The following ALK variants were observed in gnomAD, a reference collection of about 807,000 sequenced individuals.
ALK encodes ALK receptor tyrosine kinase, also known as ALK tyrosine kinase receptor.
A neutral mutation model predicts 163.1 loss-of-function variants in ALK; 74 were observed. The ratio of observed to expected loss-of-function variants is 0.45; its 90% CI spans 0.38 to 0.55. The LOEUF (loss-of-function observed/expected upper bound fraction) is 0.55. Ranked by LOEUF, ALK falls within the 20% of genes least tolerant of loss-of-function variation. ALK has a pLI of 0.00. For missense variants in ALK, 2,063 were observed against 2,105.3 expected, an observed-to-expected ratio of 0.98 and a Z score of 0.39; for synonymous variants, 960 against 843.2, an observed-to-expected ratio of 1.14 and a Z score of -2.40.
chr2:29,645,896 G>T (rs921435014), intron 3 of ALK, among the ~76,000 whole-genome samples: 4 of 151,960 alleles, frequency 2.6e-5, no homozygotes, highest in South Asian at 2.1e-4. Flanking sequence ...GCTAATATTG[G>T]AGTTCCATGG....
At chr2:29,450,108 G>T (rs1670784693) in intron 4 of ALK, among the ~76,000 whole-genome samples, 1 of 152,138 alleles carries the variant, frequency 6.6e-6, no homozygotes, top group Admixed American at 6.5e-5. Context: ...GGGCTCCTGT[G>T]ACCGCAGGGA....
At chr2:29,790,120 G>C (rs1193199227) in intron 1 of ALK, among the ~76,000 whole-genome samples, 1 of 152,144 alleles carries the variant, frequency 6.6e-6, no homozygotes, top group Non-Finnish European at 1.5e-5. Flanking sequence ...AAGTGTTTGG[G>C]GCTCTAGGGA....
chr2:29,458,672 G>C (rs1671015504), intron 4 of ALK, among the ~76,000 whole-genome samples: 1 of 152,122 alleles, frequency 6.6e-6, no homozygotes, highest in Admixed American at 6.6e-5. Flanking sequence ...GGTGATAGTG[G>C]CTTCATTTCA....
At chr2:29,249,547 C>T (rs1664764256) in intron 12 of ALK, among the ~76,000 whole-genome samples, 1 of 152,148 alleles carries the variant, frequency 6.6e-6, no homozygotes, top group South Asian at 2.1e-4. Flanking sequence ...AGACTTTGAG[C>T]CAGAGCACCC....
At chr2:29,200,835 A>ATATG (rs1558608969) in intron 26 of ALK, among the ~76,000 whole-genome samples, 1 of 129,206 alleles carries the variant, frequency 7.7e-6, no homozygotes, top group African/African-American at 2.7e-5. Context: ...ACGTATATAT[A>ATATG]TGTGTGTGTA....
chr2:29,389,533 C>T (rs1327381199), intron 4 of ALK, among the ~76,000 whole-genome samples: 2 of 152,190 alleles, frequency 1.3e-5, no homozygotes, highest in East Asian at 3.9e-4. Context: ...GCCTTCCCAC[C>T]TCCTTAATGC....
At chr2:29,503,637 T>G (rs1287724016) in intron 4 of ALK, among the ~76,000 whole-genome samples, 1 of 152,130 alleles carries the variant, frequency 6.6e-6, no homozygotes, top group African/African-American at 2.4e-5. Flanking sequence ...TGGAGTTTTC[T>G]GGCTTAAGAA....
chr2:29,247,972 T>C (rs570626911), intron 12 of ALK, among the ~76,000 whole-genome samples: 1 of 152,296 alleles, frequency 6.6e-6, no homozygotes, highest in Admixed American at 6.5e-5. Context: ...CAGAGAAAGG[T>C]TGCTGACTTC....
At chr2:29,300,975 G>A (rs897416537) in intron 8 of ALK, among the ~76,000 whole-genome samples, 6 of 152,172 alleles carry the variant, frequency 3.9e-5, no homozygotes, top group Non-Finnish European at 8.8e-5. Context: ...ATTGTGACTG[G>A]ATGAGCATGC....
intron 4 of ALK, among the ~76,000 whole-genome samples, chr2:29,446,035 C>T (rs1413735107): frequency 8.3e-6 from 1 of 119,990 alleles, no homozygotes; most frequent in African/African-American, 3.2e-5. Context: ...GGAGGCGGAG[C>T]TTGCAGTGAG....
chr2:29,353,996 G>A (rs1489609944), intron 5 of ALK, among the ~76,000 whole-genome samples: 3 of 152,208 alleles, frequency 2.0e-5, no homozygotes, highest in Non-Finnish European at 4.4e-5. Context: ...AAGCACAAGA[G>A]AGCCTGAGGC....
At chr2:29,818,017 C>T (rs940727724) in intron 1 of ALK, among the ~76,000 whole-genome samples, 1 of 152,200 alleles carries the variant, frequency 6.6e-6, no homozygotes, top group African/African-American at 2.4e-5. Context: ...TTCCTCTCGC[C>T]ATCCAGTGTT....
chr2:29,315,909 T>G (rs1666821336), intron 8 of ALK, among the ~76,000 whole-genome samples: 1 of 152,182 alleles, frequency 6.6e-6, no homozygotes, highest in Admixed American at 6.5e-5. Context: ...CGCCAGTCCC[T>G]GTAGGCCTGA....
intron 4 of ALK, among the ~76,000 whole-genome samples, chr2:29,394,244 TA>T (rs1238582814): frequency 6.6e-6 from 1 of 151,030 alleles, no homozygotes; most frequent in African/African-American, 2.4e-5. Context: ...CTGGTTTGTA[TA>T]AAAAATATAT....
chr2:29,638,299 A>T (rs931307349), intron 3 of ALK, among the ~76,000 whole-genome samples: 1 of 152,240 alleles, frequency 6.6e-6, no homozygotes, highest in African/African-American at 2.4e-5. Flanking sequence ...ACATGACTGT[A>T]CATCAACACA....
intron 4 of ALK, among the ~76,000 whole-genome samples, chr2:29,398,844 G>A (rs1669374488): frequency 6.6e-6 from 1 of 152,158 alleles, no homozygotes; most frequent in Non-Finnish European, 1.5e-5. Flanking sequence ...CTCAGAGCAG[G>A]TTCAGAGACA....
chr2:29,577,706 C>A (rs1474308007), intron 3 of ALK, among the ~76,000 whole-genome samples: 1 of 152,224 alleles, frequency 6.6e-6, no homozygotes, highest in East Asian at 1.9e-4. Context: ...CTCACCACAT[C>A]TTTGTCTCCC....
intron 23 of ALK, among the ~76,000 whole-genome samples, chr2:29,215,394 G>T (rs553236472): frequency 2.0e-5 from 3 of 152,184 alleles, no homozygotes; most frequent in Non-Finnish European, 4.4e-5. Flanking sequence ...TCTCTAGGCC[G>T]TGCTTCAGTT....
intron 8 of ALK, among the ~76,000 whole-genome samples, chr2:29,317,780 T>C (rs1057269151): frequency 1.3e-5 from 2 of 150,368 alleles, no homozygotes; most frequent in African/African-American, 4.9e-5. Context: ...CCCTAAAGAA[T>C]ATGACTGTAT....
Sources: allele counts gnomAD v4.1 joint callset (sites outside exome capture counted in the v4.1 genomes callset), GRCh38; gene constraint gnomAD v4.1.1; transcripts MANE v1.5; gene names NCBI Gene and HGNC (gene_info 2026-07-23, HGNC 2026-07-21).